PRKAR1A: variants seen among roughly 807,000 people sequenced by gnomAD.
PRKAR1A encodes protein kinase cAMP-dependent type I regulatory subunit alpha.
In PRKAR1A, 3 loss-of-function variants were observed where a neutral mutation model predicts 52.0. The ratio of observed to expected loss-of-function variants is 0.06; its 90% CI spans 0.03 to 0.15. The LOEUF is 0.15. PRKAR1A is among the 10% of genes least tolerant of loss of function. PRKAR1A has a pLI of 1.00. For missense variants in PRKAR1A, 240 were observed against 477.4 expected (o/e 0.50, Z 4.63); for synonymous variants, 188 against 168.4 (o/e 1.12, Z -0.90).
In PRKAR1A at chr17:68,533,030, C is replaced by A; in HGVS notation, c.*2581C>A. 5 of 1,065,744 alleles carry A rather than the reference C, an allele frequency of 4.7e-6. No homozygotes were observed. Among genetic ancestry groups the A allele is most frequent in the Non-Finnish European group, 5.7e-6 (5 of 879,600 alleles). 66.0% of individuals were successfully genotyped at this position (1,065,744 alleles called of 1,614,324 possible). The stretch of plus-strand genomic sequence containing the variant: ...AAATTCAGTCAAAAGCTAAAGATTT[C>A]CTTTTGATTGAAGACAGATTGGTTC... On this transcript the variant is annotated 3_prime_UTR_variant, in exon 11 of 11. Coordinates refer to ENST00000589228, the MANE Select transcript of PRKAR1A (RefSeq NM_002734.5).
chr17:68,423,830 T>C, the PRKAR1A span, among the ~76,000 whole-genome samples: 1 of 152,324 alleles, frequency 6.6e-6, no homozygotes, highest in East Asian at 1.9e-4. The surrounding 1 kb of genome is among the most constrained non-coding windows in gnomAD (Gnocchi z 4.4). Flanking sequence ...AATATCCACA[T>C]TACCCCAATT....
the PRKAR1A span, among the ~76,000 whole-genome samples, chr17:68,502,740 G>A: frequency 6.3e-5 from 7 of 111,698 alleles, no homozygotes; most frequent in African/African-American, 1.7e-4. Context: ...CAACAAGAGC[G>A]AAACTTCATC....
the PRKAR1A span, chr17:68,427,370 T>G: frequency 1.3e-6 from 1 of 794,178 alleles, no homozygotes; most frequent in South Asian, 1.7e-5. Flanking sequence ...TATTTATTTA[T>G]TTTTGAGGCA....
At chr17:68,504,148 G>A in the PRKAR1A span, among the ~76,000 whole-genome samples, 5 of 152,164 alleles carry the variant, frequency 3.3e-5, no homozygotes, top group Non-Finnish European at 7.3e-5. Flanking sequence ...CCAAATGTCT[G>A]TCAATAGATG....
chr17:68,495,672 T>TG, the PRKAR1A span, among the ~76,000 whole-genome samples: 2 of 152,174 alleles, frequency 1.3e-5, no homozygotes, highest in Non-Finnish European at 2.9e-5. Flanking sequence ...TGTTCTCATG[T>TG]CTATTTCTTC....
Position 68,531,606 on chromosome 17 carries a change from T to C in PRKAR1A, c.*1157T>C. 14 of 1,066,384 alleles carry C rather than the reference T, an allele frequency of 1.3e-5. No individual in the cohort carries two copies. Among genetic ancestry groups the C allele is most frequent in the Non-Finnish European group, 1.5e-5 (13 of 879,660 alleles). 66.1% of individuals were successfully genotyped at this position (1,066,384 alleles called of 1,614,324 possible). A position where few individuals can be genotyped will look rare whatever the true frequency, so the allele number is the denominator to read the frequency against. On this transcript the variant is annotated 3_prime_UTR_variant, in exon 11 of 11. Coordinates refer to ENST00000589228, the MANE Select transcript of PRKAR1A (RefSeq NM_002734.5). The stretch of plus-strand genomic sequence containing the variant: ...TCAGCTAGAATTTCTGGTGGGTTGA[T>C]GGTAGGGTATAATGTGTCTGTGTTG...
chr17:68,432,166 TGAAGGAGCGA>T, the PRKAR1A span, among the ~76,000 whole-genome samples: 1 of 152,012 alleles, frequency 6.6e-6, no homozygotes, highest in Non-Finnish European at 1.5e-5. Context: ...TCTGGAAAGA[TGAAGGAGCGA>T]GAAGGGAGCC....
At chr17:68,504,317 T>A in the PRKAR1A span, among the ~76,000 whole-genome samples, 8 of 151,244 alleles carry the variant, frequency 5.3e-5, no homozygotes, top group Non-Finnish European at 8.8e-5. Flanking sequence ...AAAAAAAAAA[T>A]TTAGCCAGGC....
At chr17:68,458,191 TGCCAAGCGCGCCGTAC>T in the PRKAR1A span, among the ~76,000 whole-genome samples, 1 of 152,182 alleles carries the variant, frequency 6.6e-6, no homozygotes, top group Non-Finnish European at 1.5e-5. Flanking sequence ...CCTCACTACT[TGCCAAGCGCGCCGTAC>T]TATGTATGTC....
the PRKAR1A span, chr17:68,453,064 C>A: frequency 8.0e-7 from 1 of 1,251,678 alleles, no homozygotes; most frequent in Non-Finnish European, 1.2e-6. Context: ...AAATAGATGC[C>A]TTTTGCCCCC....
At chr17:68,431,745 C>T in the PRKAR1A span, among the ~76,000 whole-genome samples, 6 of 152,400 alleles carry the variant, frequency 3.9e-5, no homozygotes, top group East Asian at 9.6e-4. Context: ...CCGTAACCGC[C>T]GGGGACATAT....
intron 6 of PRKAR1A, among the ~76,000 whole-genome samples, chr17:68,525,482 GGTATT>G (rs1464917517): frequency 6.6e-6 from 1 of 152,104 alleles, no homozygotes; most frequent in East Asian, 1.9e-4. Context: ...ATCTGTGACT[GGTATT>G]AGTGCTTAGC....
chr17:68,466,852 C>T, the PRKAR1A span, among the ~76,000 whole-genome samples: 227 of 152,216 alleles, frequency 1.5e-3, 2 homozygotes, highest in African/African-American at 5.2e-3. Flanking sequence ...CATCCACCTC[C>T]GTTATCTGGT....
At chr17:68,472,225 G>A in the PRKAR1A span, among the ~76,000 whole-genome samples, 2 of 152,176 alleles carry the variant, frequency 1.3e-5, no homozygotes, top group Non-Finnish European at 2.9e-5. Flanking sequence ...CAGGTGGCAA[G>A]TAAGGCCATT....
chr17:68,551,010 G>A (rs1454462001), intron 11 of PRKAR1A: 6 of 1,173,642 alleles, frequency 5.1e-6, no homozygotes, highest in Non-Finnish European at 6.4e-6. Context: ...GTATTCCACT[G>A]GAAGAAGCAC....
At chr17:68,433,457 G>A in the PRKAR1A span, 12 of 1,612,106 alleles carry the variant, frequency 7.4e-6, no homozygotes, top group South Asian at 5.5e-5. Context: ...GGTGCCCCGC[G>A]GAGTACTTGC....
chr17:68,513,593 G>T (rs1401668710), intron 1 of PRKAR1A, among the ~76,000 whole-genome samples: 1 of 152,218 alleles, frequency 6.6e-6, no homozygotes, highest in Non-Finnish European at 1.5e-5. Flanking sequence ...AAATAATTGT[G>T]TGTGGGGAGG....
chr17:68,535,399 G>C (rs1356402981), downstream of PRKAR1A: 3 of 454,118 alleles, frequency 6.6e-6, no homozygotes, highest in Admixed American at 7.0e-5. Context: ...TATAGGAGGT[G>C]GCGGGTTTTG....
intron 1 of PRKAR1A, among the ~76,000 whole-genome samples, chr17:68,514,163 T>G (rs988945834): frequency 2.6e-5 from 4 of 152,264 alleles, no homozygotes; most frequent in African/African-American, 9.6e-5. Context: ...TCTAATGGTC[T>G]GTTAATTAGT....
Sources: gnomAD v4.1 joint callset for allele counts (sites outside exome capture counted in the v4.1 genomes callset) on GRCh38, gnomAD v4.1.1 for gene constraint, Gnocchi (gnomAD v3.1) non-coding constraint, MANE v1.5 for transcripts, NCBI Gene and HGNC (gene_info 2026-07-23, HGNC 2026-07-21) for gene names.